Variants in CDK13 observed in about 807,000 individuals in gnomAD.
CDK13 encodes cyclin dependent kinase 13.
Under a neutral mutation model 137.6 loss-of-function variants are expected in CDK13, and 40 were observed. The ratio of observed to expected loss-of-function variants is 0.29; its 90% CI spans 0.23 to 0.38. The LOEUF is 0.38. CDK13 is among the 10% of genes least tolerant of loss of function. The pLI is 1.00. For synonymous variants in CDK13, 869 were observed against 760.1 expected, an observed-to-expected ratio of 1.14 and a Z score of -2.36; for missense variants, 1,704 against 1,951.8, an observed-to-expected ratio of 0.87 and a Z score of 2.39.
chr7:40,088,049 C>A (rs1786830167), intron 11 of CDK13, 77 bp from the exon 12 acceptor site: 3 of 1,219,256 alleles, frequency 2.5e-6, no homozygotes, highest in Non-Finnish European at 3.5e-6. Flanking sequence ...GGGGGCATAA[C>A]TTTGTTGCTA....
intron 5 of CDK13, among the ~76,000 whole-genome samples, chr7:40,021,874 T>G (rs1785134170): frequency 6.6e-6 from 1 of 152,236 alleles, no homozygotes; most frequent in African/African-American, 2.4e-5. Flanking sequence ...TGGTTTGATT[T>G]TAACAGGATG....
intron 7 of CDK13, among the ~76,000 whole-genome samples, chr7:40,053,664 T>C (rs577781384): frequency 6.6e-6 from 1 of 152,268 alleles, no homozygotes; most frequent in East Asian, 1.9e-4. Flanking sequence ...ACAGGCATCA[T>C]TGGGCACATC....
chr7:40,094,275 G>T lies in CDK13; in HGVS notation c.3834G>T (p.Arg1278=). 3.7e-6 allele frequency: 6 copies of T among 1,612,588 alleles called. No homozygotes were observed. Among genetic ancestry groups the T allele is most frequent in the Non-Finnish European group, 5.1e-6 (6 of 1,179,386 alleles). Residue 1278 remains arginine, a synonymous_variant, in exon 14 of 14, where the codon CGG becomes CGT. Coordinates refer to ENST00000181839, the MANE Select transcript of CDK13 (RefSeq NM_003718.5). ...PPVTEEDLDY[R]TENQHVPTTS... The stretch of plus-strand genomic sequence containing the variant: ...TCACTGAGGAAGATCTAGATTATCG[G>T]ACAGAAAACCAGCATGTACCCACCA...
At position 39,980,654 on chromosome 7, in the gene CDK13, A is replaced by T. The variant is rs577327218; in HGVS notation, c.1212-6945A>T. Among the ~76,000 whole-genome samples the T allele has an allele frequency of 2.3e-4, 35 of 152,290 alleles. 1 individual carries two copies. The highest frequency in any genetic ancestry group is 1.8e-3 in the Admixed American group (28 of 15,302). Reference sequence around the variant, plus strand: ...GTATTGGGCATCATATGTATAGAACATTTCTGTCATCCAGAAAGTTCCATT... The same window carrying T: ...GTATTGGGCATCATATGTATAGAACTTTTCTGTCATCCAGAAAGTTCCATT... On this transcript the variant is annotated intron_variant, in intron 1 of 13. Transcript: ENST00000181839.
intron 11 of CDK13, among the ~76,000 whole-genome samples, chr7:40,084,260 C>G (rs1324407679): frequency 6.6e-6 from 1 of 152,150 alleles, no homozygotes; most frequent in African/African-American, 2.4e-5. Context: ...GTGGGCAGAT[C>G]ACGAGGTCAA....
intron 7 of CDK13, among the ~76,000 whole-genome samples, chr7:40,053,235 T>G (rs1785933093): frequency 6.6e-6 from 1 of 152,188 alleles, no homozygotes; most frequent in Non-Finnish European, 1.5e-5. Flanking sequence ...TCTCCAGACC[T>G]TTTGTTTATT....
At chr7:40,036,212 TAAA>T (rs1785480461) in intron 5 of CDK13, among the ~76,000 whole-genome samples, 1 of 147,006 alleles carries the variant, frequency 6.8e-6, no homozygotes, top group Non-Finnish European at 1.5e-5. Context: ...AAAACCTTGA[TAAA>T]AAGTGAAAAC....
chr7:40,064,926 G>T (rs1786245386), intron 9 of CDK13, among the ~76,000 whole-genome samples: 1 of 146,964 alleles, frequency 6.8e-6, no homozygotes, highest in Admixed American at 6.8e-5. Context: ...CAAGTAGCTG[G>T]GACCACAGGC....
chr7:40,003,206 A>ACACTCTCTCTCTCTCT (rs374470130), intron 5 of CDK13, among the ~76,000 whole-genome samples: 6 of 79,902 alleles, frequency 7.5e-5, no homozygotes, highest in African/African-American at 2.4e-4. Flanking sequence ...ACACACACAC[A>ACACTCTCTCTCTCTCT]CTCTCTCTCT....
chr7:40,020,221 C>G (rs1248783499), intron 5 of CDK13, among the ~76,000 whole-genome samples: 1 of 151,980 alleles, frequency 6.6e-6, no homozygotes, highest in Admixed American at 6.6e-5. Context: ...GTGCATGCCA[C>G]CATGCCCAGC....
rs573946046 is a variant in CDK13 at position 40,061,953 on chromosome 7, G to A, written c.2601-873G>A. 2.6e-5 allele frequency: 4 copies of A among 152,248 alleles called. 1 individual carries two copies. The South Asian group carries it at 6.2e-4, about 24-fold the overall frequency. The allele number at this position is 152,248 out of a possible 1,614,324, so 9.4% of individuals were successfully genotyped here. On this transcript the variant is annotated intron_variant, in intron 7 of 13. Transcript: ENST00000181839. ...ATAAAGGAATTATTTGATAAAGTACGATATGTATTGCTACTTTGCAGAGTA... is the reference window on the plus strand; with the variant it reads ...ATAAAGGAATTATTTGATAAAGTACAATATGTATTGCTACTTTGCAGAGTA...
In CDK13 at chr7:40,093,235, C is replaced by G. The variant is rs1242026856; in HGVS notation, c.3686C>G (p.Ser1229Trp). ...CCTCCAGAACCTAGCACTCCGGTGTCGGGTAAGTGTGCAGATACCAGACCA... is the reference window on the plus strand; with the variant it reads ...CCTCCAGAACCTAGCACTCCGGTGTGGGGTAAGTGTGCAGATACCAGACCA... ...RPPPEPSTPV[S>W]GQDDLIQHQD... The change falls in exon 13 of 14, where the codon TCG becomes TGG. Residue 1229 changes from serine (S) to tryptophan (W), a missense_variant and splice_region_variant. Ser to Trp is a radical substitution (Grantham distance 177). Around this residue, in one of 5 missense-constraint regions of CDK13, gnomAD observed 475 missense variants for 579.3 expected, o/e 0.82. Coordinates refer to ENST00000181839, the MANE Select transcript of CDK13 (RefSeq NM_003718.5). The G allele has an allele frequency of 1.2e-6, 2 of 1,608,130 alleles. No homozygotes were observed. The highest frequency in any genetic ancestry group is 1.7e-6 in the Non-Finnish European group (2 of 1,177,116).
intron 7 of CDK13, among the ~76,000 whole-genome samples, chr7:40,055,323 CTA>C (rs1395731345): frequency 6.6e-6 from 1 of 151,992 alleles, no homozygotes; most frequent in African/African-American, 2.4e-5. Context: ...AAGAAGTCGA[CTA>C]TATGTTTTTC....
intron 5 of CDK13, among the ~76,000 whole-genome samples, chr7:40,021,116 TATATATACAC>T (rs1438902663): frequency 1.8e-4 from 18 of 99,632 alleles, no homozygotes; most frequent in African/African-American, 5.8e-4. Flanking sequence ...TATATATATA[TATATATACAC>T]ACACACACAC....
At chr7:39,955,077 C>G (rs193027452) in intron 1 of CDK13, among the ~76,000 whole-genome samples, 21 of 152,228 alleles carry the variant, frequency 1.4e-4, no homozygotes, top group African/African-American at 4.6e-4. Context: ...CCTGTATAAT[C>G]TGTTTGCCGT....
At chr7:39,999,251 T>C in intron 3 of CDK13, 110 bp from the exon 4 acceptor site, 1 of 814,494 alleles carries the variant, frequency 1.2e-6, no homozygotes. Flanking sequence ...ACTGCAAGGG[T>C]AGGGAAAAAT....
chr7:40,000,016 A>G (rs10259564), intron 4 of CDK13, among the ~76,000 whole-genome samples: 15,920 of 151,602 alleles, frequency 0.11, 2,741 homozygotes, highest in African/African-American at 0.36. Flanking sequence ...GTCAGAAGCT[A>G]TGTATTTTAC....
chr7:40,042,434 A>G (rs947302757), intron 5 of CDK13, among the ~76,000 whole-genome samples: 2 of 139,646 alleles, frequency 1.4e-5, no homozygotes, highest in Admixed American at 7.2e-5. Flanking sequence ...TTAATCTAGT[A>G]TATGTTATAG....
At chr7:40,008,537 C>T (rs1330656075) in intron 5 of CDK13, among the ~76,000 whole-genome samples, 4 of 152,162 alleles carry the variant, frequency 2.6e-5, no homozygotes, top group African/African-American at 9.7e-5. Flanking sequence ...GTTAGTTAAT[C>T]TGTAATTGTT....
Sources: gnomAD v4.1 joint callset for allele counts (sites outside exome capture counted in the v4.1 genomes callset) on GRCh38, gnomAD v4.1.1 for gene constraint, gnomAD v4.1.1 regional missense constraint, MANE v1.5 for transcripts, NCBI Gene and HGNC (gene_info 2026-07-23, HGNC 2026-07-21) for gene names.